MMP3: variants seen among roughly 807,000 people sequenced by gnomAD.
MMP3 encodes the protein matrix metallopeptidase 3, also known as stromelysin-1.
In MMP3, 46 loss-of-function variants were observed where a neutral mutation model predicts 47.3. That is an observed-to-expected ratio of 0.97 (90% CI 0.77 to 1.24). The LOEUF (loss-of-function observed/expected upper bound fraction) is 1.24, where lower values mean the gene tolerates loss of function less well. Ranked by LOEUF, MMP3 falls within the 50% of genes most tolerant of loss-of-function variation. MMP3 has a pLI of 0.00. For missense variants in MMP3, 558 were observed against 565.5 expected (o/e 0.99, Z 0.13); for synonymous variants, 216 against 206.5 (o/e 1.05, Z -0.39).
At position 102,842,159 on chromosome 11, in the gene MMP3, G is replaced by A; in HGVS notation, c.620C>T (p.Thr207Ile). The change falls in exon 4 of 10, where the codon ACA (threonine) becomes ATA (isoleucine). Residue 207 changes from threonine to isoleucine, a missense_variant. Coordinates refer to ENST00000299855, the MANE Select transcript of MMP3 (RefSeq NM_002422.5). ...FDDDEQWTKD[T>I]TGTNLFLVAA... ...CTGAGAGATGTGTAACTAACCTGTT[G>A]TATCCTTTGTCCATTGTTCATCATC... is the stretch of plus-strand genomic sequence containing the variant. 1 of 1,600,262 alleles carries A rather than the reference G, an allele frequency of 6.2e-7. No homozygotes were observed.
Position 102,840,125 on chromosome 11 carries a change from G to A in MMP3, c.918C>T (p.Ile306=), listed in dbSNP as rs1555005195. The change falls in exon 6 of 10, where the codon ATC becomes ATT. Residue 306 remains isoleucine (I), a synonymous_variant. Transcript: ENST00000299855. ...FDAVSTLRGE[I]LIFKDRHFWR... ...AGCCTGACCTGTCTTTAAAGATCAG[G>A]ATTTCTCCCCTCAGAGTGCTGACAG... 6.2e-7 allele frequency: 1 copy of A among 1,613,396 alleles called. No homozygotes were observed.
rs782815640 is a variant in MMP3 at position 102,839,246 on chromosome 11, A to C, written c.936-3T>G. 3.0e-5 allele frequency: 48 copies of C among 1,613,440 alleles called. No individual in the cohort carries two copies. Among genetic ancestry groups the C allele is most frequent in the East Asian group, 8.9e-5 (4 of 44,882 alleles). On this transcript the variant is annotated splice_polypyrimidine_tract_variant and splice_region_variant and intron_variant, in intron 6 of 9. Transcript: ENST00000299855. Reference sequence around the variant, plus strand: ...TGAGGGATTTGCGCCAAAAGTGCCTAAAATATATGTAAAAAGAAATGTAAA... The same window carrying C: ...TGAGGGATTTGCGCCAAAAGTGCCTCAAATATATGTAAAAAGAAATGTAAA...
In MMP3 at chr11:102,843,563, T is replaced by G; in HGVS notation, c.-17A>C. 6.2e-7 allele frequency: 1 copy of G among 1,600,062 alleles called. No homozygotes were observed. Among genetic ancestry groups the G allele is most frequent in the African/African-American group, 1.3e-5 (1 of 74,778 alleles). ...ACTCTTCATTTCCACTGGCTTTACT[T>G]AGCTCTATGTTGTCTCTATGCCTTG... On this transcript the variant is annotated 5_prime_UTR_variant, in exon 1 of 10. Transcript: ENST00000299855.
At position 102,836,430 on chromosome 11, in the gene MMP3, A is replaced by G. The variant is rs1858883526; in HGVS notation, c.1334-204T>C. 1 of 637,578 alleles carries G rather than the reference A, an allele frequency of 1.6e-6. No homozygotes were observed. 39.5% of individuals were successfully genotyped at this position (637,578 alleles called of 1,614,324 possible). On this transcript the variant is annotated intron_variant, in intron 9 of 9. Coordinates refer to ENST00000299855, the MANE Select transcript of MMP3 (RefSeq NM_002422.5). The surrounding 1 kb of genome is among the most constrained non-coding windows in gnomAD (Gnocchi z 4.6). ...CCTATGAGGTTGTATGTCTAACTCC[A>G]TTTACAGATTGAGCAAGTTGAGGTT...
chr11:102,835,852 TAC>T lies in MMP3; in HGVS notation c.*272_*273del, dbSNP rs781965928. The stretch of plus-strand genomic sequence containing the variant: ...TAAATAAGCAAATAGTCTACACAGA[TAC>T]AGTCACTTGTCTGTTGCACACGAGT... On this transcript the variant is annotated 3_prime_UTR_variant, in exon 10 of 10. Transcript: ENST00000299855. 25 of 378,022 alleles carry T rather than the reference TAC, an allele frequency of 6.6e-5. 1 individual carries two copies. The highest frequency in any genetic ancestry group is 1.0e-4 in the Non-Finnish European group (21 of 208,418). 23.4% of individuals were successfully genotyped at this position (378,022 alleles called of 1,614,324 possible). A position where few individuals can be genotyped will look rare whatever the true frequency, so the allele number is the denominator to read the frequency against.
chr11:102,836,388 T>C lies in MMP3; in HGVS notation c.1334-162A>G. 1.5e-6 allele frequency: 1 copy of C among 680,352 alleles called. No individual in the cohort carries two copies. Among genetic ancestry groups the C allele is most frequent in the East Asian group, 2.9e-5 (1 of 34,904 alleles). The allele number at this position is 680,352 out of a possible 1,614,324, so 42.1% of individuals were successfully genotyped here. A position where few individuals can be genotyped will look rare whatever the true frequency, so the allele number is the denominator to read the frequency against. ...AGCTTGTTACATGAATTTATTTTCA[T>C]TTATTTCTGCAACAACCCTATGAGG... is the stretch of plus-strand genomic sequence containing the variant. On this transcript the variant is annotated intron_variant, in intron 9 of 9. Transcript: ENST00000299855. The surrounding 1 kb of genome is among the most constrained non-coding windows in gnomAD (Gnocchi z 4.6).
Position 102,842,781 on chromosome 11 carries a change from A to C in MMP3, c.241T>G (p.Ser81Ala), listed in dbSNP as rs782614229. 1 of 1,613,970 alleles carries C rather than the reference A, an allele frequency of 6.2e-7. No individual in the cohort carries two copies. The highest frequency in any genetic ancestry group is 1.7e-5 in the Admixed American group (1 of 59,942). Reference protein sequence around the residue: ...LGLEVTGKLDSDTLEVMRKPR... With the variant: ...LGLEVTGKLDADTLEVMRKPR... ...TTGCGCATCACCTCCAGAGTGTCGG[A>C]GTCCAGCTTCCCCGTCACCTCCAAT... The change falls in exon 2 of 10, where the codon TCC becomes GCC. Residue 81 changes from serine (S) to alanine (A), a missense_variant. Physicochemically the swap from Ser to Ala is moderately conservative, Grantham distance 99. Transcript: ENST00000299855.
rs781869389 is a variant in MMP3, at chr11:102,840,476, C to A, written c.743G>T (p.Arg248Leu). 5 of 1,613,968 alleles carry A rather than the reference C, an allele frequency of 3.1e-6. No homozygotes were observed. The highest frequency in any genetic ancestry group is 1.7e-4 in the Middle Eastern group (1 of 6,058). Residue 248 changes from arginine to leucine, a missense_variant, in exon 5 of 10, where the codon CGG (arginine) becomes CTG (leucine). Coordinates refer to ENST00000299855, the MANE Select transcript of MMP3 (RefSeq NM_002422.5). The stretch of plus-strand genomic sequence containing the variant: ...TATATCATCTTGAGACAGGCGGAAC[C>A]GAGTCAGGTCTGTGAGTGAGTGATA... ...PLYHSLTDLT[R>L]FRLSQDDING...
chr11:102,840,126 A>T lies in MMP3; in HGVS notation c.917T>A (p.Ile306Asn). 1 of 1,613,668 alleles carries T rather than the reference A, an allele frequency of 6.2e-7. No homozygotes were observed. Among genetic ancestry groups the T allele is most frequent in the Non-Finnish European group, 8.5e-7 (1 of 1,179,892 alleles). Residue 306 changes from isoleucine to asparagine, a missense_variant, in exon 6 of 10, where the codon ATC becomes AAC. Ile to Asn is a moderately radical substitution (Grantham distance 149, BLOSUM62 -3). Transcript: ENST00000299855. ...GCCTGACCTGTCTTTAAAGATCAGGATTTCTCCCCTCAGAGTGCTGACAGC... is the reference window on the plus strand; with the variant it reads ...GCCTGACCTGTCTTTAAAGATCAGGTTTTCTCCCCTCAGAGTGCTGACAGC... ...FDAVSTLRGE[I>N]LIFKDRHFWR...
At chr11:102,843,314 A>G in intron 1 of MMP3, 128 bp downstream of exon 1, 1 of 694,254 alleles carries the variant, frequency 1.4e-6, no homozygotes, top group Non-Finnish European at 2.5e-6. Context: ...AACACTCTAT[A>G]ACTCTCTATT....
At position 102,836,801 on chromosome 11, in the gene MMP3, T is replaced by C. The variant is rs1555004634; in HGVS notation, c.1333+497A>G. 1 of 226,554 alleles carries C rather than the reference T, an allele frequency of 4.4e-6. No individual in the cohort carries two copies. Among genetic ancestry groups the C allele is most frequent in the African/African-American group, 2.3e-5 (1 of 42,784 alleles). The allele number at this position is 226,554 out of a possible 1,614,324, so 14.0% of individuals were successfully genotyped here. A position where few individuals can be genotyped will look rare whatever the true frequency, so the allele number is the denominator to read the frequency against. ...AGTAGAAAACAAAATCTTTTTTTTT[T>C]TTTAAACTTTGGGCACATGGAAAGG... On this transcript the variant is annotated intron_variant, in intron 9 of 9. Coordinates refer to ENST00000299855, the MANE Select transcript of MMP3 (RefSeq NM_002422.5). This position sits in a 1 kb window ranked among gnomAD's most constrained non-coding sequence, Gnocchi z 4.6.
Position 102,842,705 on chromosome 11 carries a change from A to T in MMP3, c.317T>A (p.Ile106Asn). 1 of 1,613,974 alleles carries T rather than the reference A, an allele frequency of 6.2e-7. No individual in the cohort carries two copies. Among genetic ancestry groups the T allele is most frequent in the Non-Finnish European group, 8.5e-7 (1 of 1,179,984 alleles). Residue 106 changes from isoleucine (I) to asparagine (N), a missense_variant, in exon 2 of 10, where the codon ATC becomes AAC. By Grantham distance (149) the Ile-to-Asn change is moderately radical. Coordinates refer to ENST00000299855, the MANE Select transcript of MMP3 (RefSeq NM_002422.5). ...AAGGTGGGTTTTCCTCCACTTCGGG[A>T]TGCCAGGAAAGGTTCTGAAGTGACC... ...DVGHFRTFPG[I>N]PKWRKTHLTY... is the part of the protein sequence containing the mutation.
At chr11:102,843,409 C>T in intron 1 of MMP3, 33 bp downstream of exon 1, 1 of 1,520,406 alleles carries the variant, frequency 6.6e-7, no homozygotes, top group Non-Finnish European at 9.1e-7. Flanking sequence ...TCTGGAAGCT[C>T]CCCACCTGGC....
chr11:102,836,512 C>A lies in MMP3; in HGVS notation c.1334-286G>T, dbSNP rs1555004578. On this transcript the variant is annotated intron_variant, in intron 9 of 9. Coordinates refer to ENST00000299855, the MANE Select transcript of MMP3 (RefSeq NM_002422.5). This position sits in a 1 kb window ranked among gnomAD's most constrained non-coding sequence, Gnocchi z 4.6. The stretch of plus-strand genomic sequence containing the variant: ...TCAGCAAGGAAGAATGGAGACAGCA[C>A]TCGGTGCCAGCTCTGTCTGAAAACA... 5 of 529,392 alleles carry A rather than the reference C, an allele frequency of 9.4e-6. No individual in the cohort carries two copies. Among genetic ancestry groups the A allele is most frequent in the South Asian group, 7.7e-5 (5 of 65,068 alleles). 32.8% of individuals were successfully genotyped at this position (529,392 alleles called of 1,614,324 possible).
At chr11:102,842,403 G>GATTTTTTTTTTTTTTTTTTTTTTTTTT in intron 3 of MMP3, 28 bp downstream of exon 3, 4 of 918,298 alleles carry the variant, frequency 4.4e-6, no homozygotes, top group Non-Finnish European at 2.7e-6. Context: ...GTTTTGTTTT[G>GATTTTTTTTTTTTTTTTTTTTTTTTTT]CTTTTTTTTT....
chr11:102,838,744 AT>A, intron 7 of MMP3, 34 bp from the exon 8 acceptor site: 3 of 1,591,622 alleles, frequency 1.9e-6, no homozygotes, highest in Non-Finnish European at 2.6e-6. Flanking sequence ...GTCATATTGA[AT>A]TATAACAGTT....
intron 3 of MMP3, 31 bp from the exon 4 acceptor site, chr11:102,842,310 T>C (rs1859013895): frequency 2.5e-6 from 4 of 1,590,014 alleles, no homozygotes; most frequent in Non-Finnish European, 3.4e-6. Flanking sequence ...TGGAAAGATA[T>C]GTAACAAGGA....
Position 102,842,412 on chromosome 11 carries a change from T to TTTTTTTTTTG in MMP3, c.499+18_499+19insCAAAAAAAAA. The TTTTTTTTTTG allele has an allele frequency of 7.0e-7, 1 of 1,421,452 alleles. No individual in the cohort carries two copies. The highest frequency in any genetic ancestry group is 9.2e-7 in the Non-Finnish European group (1 of 1,087,890). The allele number at this position is 1,421,452 out of a possible 1,614,324, so 88.1% of individuals were successfully genotyped here. A position where few individuals can be genotyped will look rare whatever the true frequency, so the allele number is the denominator to read the frequency against. On this transcript the variant is annotated intron_variant, in intron 3 of 9. Coordinates refer to ENST00000299855, the MANE Select transcript of MMP3 (RefSeq NM_002422.5). ...TGTTTTGTTTTGTTTTGCTTTTTTT[T>TTTTTTTTTTG]TTTTTTTTTTTTTTTTACCTCTAAC...
At chr11:102,838,402 AAAGTAAG>A in intron 8 of MMP3, 142 bp downstream of exon 8, 1 of 868,704 alleles carries the variant, frequency 1.2e-6, no homozygotes, top group Non-Finnish European at 1.8e-6. Context: ...CTGCTGTTTT[AAAGTAAG>A]AACTTTCCCA....
Sources: gnomAD v4.1 joint callset for allele counts on GRCh38, gnomAD v4.1.1 for gene constraint, Gnocchi (gnomAD v3.1) non-coding constraint, MANE v1.5 for transcripts, NCBI Gene and HGNC (gene_info 2026-07-23, HGNC 2026-07-21) for gene names.